The following GULP1 variants were observed in gnomAD, a reference collection of about 807,000 sequenced individuals.
The protein encoded by GULP1 is PTB domain-containing engulfment adapter protein 1.
Under a neutral mutation model 40.9 loss-of-function variants are expected in GULP1, and 19 were observed. The observed-to-expected ratio is 0.46, with a 90% CI of 0.32 to 0.68. The LOEUF is 0.68. Among genes scored for constraint, GULP1 ranks in the 30% least tolerant of loss-of-function variants. The pLI, the probability that GULP1 is intolerant of heterozygous loss-of-function variation, is 0.03. For missense variants in GULP1, 312 were observed against 362.2 expected (o/e 0.86, Z 1.12); for synonymous variants, 119 against 117.6 (o/e 1.01, Z -0.08).
intron 10 of GULP1, among the ~76,000 whole-genome samples, chr2:188,587,107 T>C (rs1168075151): frequency 2.6e-5 from 4 of 152,052 alleles, no homozygotes; most frequent in African/African-American, 7.2e-5. Context: ...TTCTTAAGAA[T>C]TTTTTATTTT....
At chr2:188,450,708 T>C (rs562107886) in intron 2 of GULP1, among the ~76,000 whole-genome samples, 142 of 152,314 alleles carry the variant, frequency 9.3e-4, no homozygotes, top group African/African-American at 3.3e-3. Flanking sequence ...ATGACATTTC[T>C]TTTTGAGACA....
chr2:188,551,638 G>A (rs1465624721), intron 7 of GULP1, among the ~76,000 whole-genome samples: 3 of 151,728 alleles, frequency 2.0e-5, no homozygotes, highest in African/African-American at 7.2e-5. Context: ...AAACATCTCA[G>A]TGCAGGAATC....
At chr2:188,482,491 G>A (rs1048882888) in intron 3 of GULP1, among the ~76,000 whole-genome samples, 4 of 151,446 alleles carry the variant, frequency 2.6e-5, no homozygotes, top group South Asian at 2.1e-4. Flanking sequence ...AATAAGATAC[G>A]TACAAAACTA....
chr2:188,480,373 G>T (rs1449257997), intron 3 of GULP1, among the ~76,000 whole-genome samples: 2 of 151,740 alleles, frequency 1.3e-5, no homozygotes, highest in Non-Finnish European at 2.9e-5. Flanking sequence ...AATATACTTG[G>T]CCATCACATG....
intron 2 of GULP1, among the ~76,000 whole-genome samples, chr2:188,410,388 T>C (rs2053703952): frequency 6.6e-6 from 1 of 151,972 alleles, no homozygotes; most frequent in African/African-American, 2.4e-5. Flanking sequence ...AAGGAAACAA[T>C]CAACAAAGTG....
chr2:188,579,044 A>G (rs1700746070), intron 9 of GULP1, among the ~76,000 whole-genome samples: 1 of 152,150 alleles, frequency 6.6e-6, no homozygotes, highest in Admixed American at 6.5e-5. Context: ...TTAGTACAGA[A>G]TCAAGCACCA....
intron 2 of GULP1, among the ~76,000 whole-genome samples, chr2:188,451,954 C>T (rs2058869175): frequency 6.6e-6 from 1 of 152,056 alleles, no homozygotes; most frequent in Non-Finnish European, 1.5e-5. Context: ...GACATTTCTC[C>T]AGTGGAAGAA....
chr2:188,402,117 C>T (rs763795404), intron 2 of GULP1, among the ~76,000 whole-genome samples: 5 of 152,132 alleles, frequency 3.3e-5, no homozygotes, highest in Admixed American at 2.0e-4. Flanking sequence ...TATGATGATG[C>T]GTTTAAAACA....
At chr2:188,330,399 T>C (rs2041403804) in intron 1 of GULP1, among the ~76,000 whole-genome samples, 1 of 152,164 alleles carries the variant, frequency 6.6e-6, no homozygotes, top group African/African-American at 2.4e-5. Flanking sequence ...GTGGGCACTT[T>C]TAAATGTCAG....
intron 2 of GULP1, among the ~76,000 whole-genome samples, chr2:188,461,318 CTT>C (rs549518354): frequency 6.7e-4 from 82 of 122,872 alleles, no homozygotes; most frequent in African/African-American, 1.9e-3. Flanking sequence ...TACTGGTAAG[CTT>C]TTTTTTTTTT....
intron 2 of GULP1, among the ~76,000 whole-genome samples, chr2:188,455,434 T>C (rs1341912012): frequency 1.3e-5 from 2 of 152,100 alleles, no homozygotes; most frequent in Non-Finnish European, 2.9e-5. Flanking sequence ...GTTCTCATGA[T>C]AGTGAATGAA....
At chr2:188,330,781 A>G (rs1314554482) in intron 1 of GULP1, among the ~76,000 whole-genome samples, 2 of 152,192 alleles carry the variant, frequency 1.3e-5, no homozygotes, top group African/African-American at 2.4e-5. Context: ...TTGTTTGAAA[A>G]TGAAAAGGTT....
rs915684191 is a variant in GULP1, at chr2:188,320,104, G to A, written c.-172+27938G>A. On this transcript the variant is annotated intron_variant, in intron 1 of 11. Coordinates refer to ENST00000409830, the MANE Select transcript of GULP1 (RefSeq NM_016315.4). ...TCTAGATGTTGTCAAATGTCCCTGG[G>A]AGGCAAAAGCATTCCTAGTTGGTGC... is the stretch of plus-strand genomic sequence containing the variant. Among the ~76,000 whole-genome samples, 4 of 152,086 alleles carry A rather than the reference G, an allele frequency of 2.6e-5. No homozygotes were observed. The East Asian group carries it at 5.8e-4, about 22-fold the overall frequency.
At chr2:188,535,663 T>C (rs766414736) in intron 6 of GULP1, among the ~76,000 whole-genome samples, 4 of 152,142 alleles carry the variant, frequency 2.6e-5, no homozygotes, top group Non-Finnish European at 5.9e-5. Context: ...TGCATGTGTC[T>C]TTTTGGTAGA....
At chr2:188,589,653 A>G (rs201479016) in intron 11 of GULP1, 2 of 617,776 alleles carry the variant, frequency 3.2e-6, no homozygotes, top group African/African-American at 1.9e-5. Flanking sequence ...GTGACACTCA[A>G]TGTTAAACCG....
Position 188,450,650 on chromosome 2 carries a change from C to G in GULP1, c.-44-27009C>G, listed in dbSNP as rs540814174. 3.9e-5 allele frequency among the ~76,000 whole-genome samples: 6 copies of G among 152,180 alleles called. No homozygotes were observed. The East Asian group carries it at 1.2e-3, about 29-fold the overall frequency. On this transcript the variant is annotated intron_variant, in intron 2 of 11. Coordinates refer to ENST00000409830, the MANE Select transcript of GULP1 (RefSeq NM_016315.4). Reference sequence around the variant, plus strand: ...AATTATTATCACTTTCTTTGACTCTCTTTCATTTAGAATGTTTTATACAAT... The same window carrying G: ...AATTATTATCACTTTCTTTGACTCTGTTTCATTTAGAATGTTTTATACAAT...
chr2:188,389,369 G>A (rs1002673705), intron 2 of GULP1, among the ~76,000 whole-genome samples: 2 of 151,864 alleles, frequency 1.3e-5, no homozygotes, highest in African/African-American at 2.4e-5. Flanking sequence ...AAAAATAAAA[G>A]TATAATAGAG....
chr2:188,508,092 T>A (rs1559323283), intron 4 of GULP1, among the ~76,000 whole-genome samples: 1 of 151,948 alleles, frequency 6.6e-6, no homozygotes, highest in Non-Finnish European at 1.5e-5. Flanking sequence ...AAAGGGCAGC[T>A]GAAAAATACT....
chr2:188,556,057 CAAAAAA>C (rs1036724991), intron 7 of GULP1, among the ~76,000 whole-genome samples: 1 of 85,102 alleles, frequency 1.2e-5, no homozygotes, highest in African/African-American at 4.4e-5. Flanking sequence ...GACTCTGTCT[CAAAAAA>C]AAAAAAGAAA....
Sources: gnomAD v4.1 joint callset for allele counts (sites outside exome capture counted in the v4.1 genomes callset) on GRCh38, gnomAD v4.1.1 for gene constraint, MANE v1.5 for transcripts, NCBI Gene and HGNC (gene_info 2026-07-23, HGNC 2026-07-21) for gene names.